The following ZDHHC1 variants were observed in gnomAD, a reference collection of about 807,000 sequenced individuals.
ZDHHC1 encodes zDHHC palmitoyltransferase 1.
ZDHHC1 carries 45 observed loss-of-function variants against 46.9 expected under a neutral mutation model. That is an observed-to-expected ratio of 0.96 (90% confidence interval 0.76 to 1.23). ZDHHC1 has a LOEUF of 1.23. ZDHHC1 is among the 50% of genes most tolerant of loss of function. The pLI, the probability that ZDHHC1 is intolerant of heterozygous loss-of-function variation, is 0.00. For missense variants in ZDHHC1, 649 were observed against 670.8 expected, an observed-to-expected ratio of 0.97 and a Z score of 0.36; for synonymous variants, 291 against 286.0, an observed-to-expected ratio of 1.02 and a Z score of -0.18.
intron 3 of ZDHHC1, among the ~76,000 whole-genome samples, chr16:67,403,261 G>A (rs1195923157): frequency 1.3e-5 from 2 of 152,228 alleles, no homozygotes; most frequent in African/African-American, 4.8e-5. Flanking sequence ...AAAGGAACCA[G>A]AAGTCTGGGT....
chr16:67,394,887 C>T lies in ZDHHC1; in HGVS notation c.1172G>A (p.Arg391Lys), dbSNP rs756233368. Residue 391 changes from arginine (R) to lysine (K), a missense_variant, in exon 12 of 12, where the codon AGG (arginine) becomes AAG (lysine). Physicochemically the swap from Arg to Lys is conservative, Grantham distance 26 (BLOSUM62 2). Coordinates refer to ENST00000565726, the MANE Select transcript of ZDHHC1 (RefSeq NM_001323627.2). ...SETSDPASGP[R>K]APSRRSSSST... is the part of the protein sequence containing the mutation. ...CGAGCTGGAGCGGCGGCTGGGGGCCCTAGGCCCTGCGCAAGGGAAGGGAAC... is the reference window on the plus strand; with the variant it reads ...CGAGCTGGAGCGGCGGCTGGGGGCCTTAGGCCCTGCGCAAGGGAAGGGAAC... 1 of 1,561,870 alleles carries T rather than the reference C, an allele frequency of 6.4e-7. No individual in the cohort carries two copies. The highest frequency in any genetic ancestry group is 8.6e-7 in the Non-Finnish European group (1 of 1,156,202).
At chr16:67,402,268 C>G (rs1031569218) in intron 3 of ZDHHC1, among the ~76,000 whole-genome samples, 1 of 152,202 alleles carries the variant, frequency 6.6e-6, no homozygotes, top group Non-Finnish European at 1.5e-5. Flanking sequence ...CACATGGTCT[C>G]AGAGTAAGTT....
intron 1 of ZDHHC1, 53 bp downstream of exon 1, chr16:67,416,118 C>G (rs920868997): frequency 6.6e-6 from 1 of 152,318 alleles, no homozygotes; most frequent in Non-Finnish European, 1.5e-5. Context: ...GCATCCGCTA[C>G]CCCGTGGCTC....
chr16:67,408,589 T>C (rs774322981), intron 1 of ZDHHC1, among the ~76,000 whole-genome samples: 2 of 152,130 alleles, frequency 1.3e-5, no homozygotes, highest in African/African-American at 2.4e-5. Flanking sequence ...TGGGCTCAAG[T>C]GATCCTCCTG....
chr16:67,394,538 C>A lies in ZDHHC1; in HGVS notation c.*72G>T. The A allele has an allele frequency of 9.0e-7, 1 of 1,116,132 alleles. No individual in the cohort carries two copies. 69.1% of individuals were successfully genotyped at this position (1,116,132 alleles called of 1,614,324 possible). A position where few individuals can be genotyped will look rare whatever the true frequency, so the allele number is the denominator to read the frequency against. On this transcript the variant is annotated 3_prime_UTR_variant, in exon 12 of 12. Coordinates refer to ENST00000565726, the MANE Select transcript of ZDHHC1 (RefSeq NM_001323627.2). Reference sequence around the variant, plus strand: ...AGGGGCCCCTAAAGTGCACTCGGTGCGGCAAGGATGGGGTGTTGCATAGAG... The same window carrying A: ...AGGGGCCCCTAAAGTGCACTCGGTGAGGCAAGGATGGGGTGTTGCATAGAG...
chr16:67,395,004 G>A lies in ZDHHC1; in HGVS notation c.1163C>T (p.Ser388Leu). 2.5e-6 allele frequency: 4 copies of A among 1,609,852 alleles called. No individual in the cohort carries two copies. The highest frequency in any genetic ancestry group is 2.2e-5 in the East Asian group (1 of 44,746). Reference protein sequence around the residue: ...VRTSETSDPASGPRAPSRRSS... With the variant: ...VRTSETSDPALGPRAPSRRSS... ...CCCGGACAGGGAGAGGCGCTCACCC[G>A]ACGCCGGATCCGAGGTCTCAGACGT... The change falls in exon 11 of 12, where the codon TCG (serine) becomes TTG (leucine). Residue 388 changes from serine to leucine, a missense_variant and splice_region_variant. Physicochemically the swap from Ser to Leu is moderately radical, Grantham distance 145. Transcript: ENST00000565726.
chr16:67,398,474 T>A, intron 7 of ZDHHC1, 99 bp downstream of exon 7: 1 of 1,519,440 alleles, frequency 6.6e-7, no homozygotes, highest in South Asian at 1.2e-5. Flanking sequence ...GAGCCCATAC[T>A]AGGCAGGGGC....
At chr16:67,400,070 C>T (rs1252507146) in intron 4 of ZDHHC1, among the ~76,000 whole-genome samples, 1 of 152,234 alleles carries the variant, frequency 6.6e-6, no homozygotes, top group African/African-American at 2.4e-5. Flanking sequence ...GGCACAACCC[C>T]TCCCCCAGAA....
intron 1 of ZDHHC1, among the ~76,000 whole-genome samples, chr16:67,412,808 T>C (rs1386663871): frequency 6.6e-6 from 1 of 152,042 alleles, no homozygotes; most frequent in African/African-American, 2.4e-5. Context: ...TCTTTCACTT[T>C]TTTTTTTTTA....
intron 3 of ZDHHC1, among the ~76,000 whole-genome samples, chr16:67,405,698 T>G (rs2040641323): frequency 6.6e-6 from 1 of 152,216 alleles, no homozygotes; most frequent in South Asian, 2.1e-4. Flanking sequence ...AAGGGTCTGA[T>G]GTACAGAATC....
At chr16:67,398,552 G>A (rs1228313513) in intron 7 of ZDHHC1, 21 bp downstream of exon 7, 2 of 1,582,080 alleles carry the variant, frequency 1.3e-6, no homozygotes, top group Non-Finnish European at 1.7e-6. Context: ...GTTCCAGAAG[G>A]CAGGTGCAGG....
chr16:67,404,527 G>C (rs1597543130), intron 3 of ZDHHC1: 1 of 358,026 alleles, frequency 2.8e-6, no homozygotes, highest in Non-Finnish European at 5.6e-6. Flanking sequence ...GAGCATATAG[G>C]CTGGTCAGGC....
At chr16:67,412,854 G>A (rs1567523841) in intron 1 of ZDHHC1, among the ~76,000 whole-genome samples, 1 of 151,982 alleles carries the variant, frequency 6.6e-6, no homozygotes, top group South Asian at 2.1e-4. Flanking sequence ...AGGCTGGAGT[G>A]CAGTGGTGCG....
At chr16:67,411,866 A>T (rs1287449254) in intron 1 of ZDHHC1, among the ~76,000 whole-genome samples, 14 of 152,206 alleles carry the variant, frequency 9.2e-5, no homozygotes, top group Admixed American at 9.2e-4. Flanking sequence ...TAATCCCCAC[A>T]CTTTGGGAGG....
chr16:67,407,626 TTA>T, intron 2 of ZDHHC1, 139 bp downstream of exon 2: 1 of 702,896 alleles, frequency 1.4e-6, no homozygotes, highest in East Asian at 2.5e-5. Flanking sequence ...GTTGGGCAAA[TTA>T]CTTTGCCATT....
At position 67,399,448 on chromosome 16, in the gene ZDHHC1, C is replaced by A; in HGVS notation, c.437G>T (p.Arg146Leu). ...GTTGCAGGCGCTGCAGTGCTTGGAG[C>A]GAGCGCTCCTGCAGGGAGAGGGGGC... ...CNLCNVDVSA[R>L]SKHCSACNKC... is the part of the protein sequence containing the mutation. Residue 146 changes from arginine to leucine, a missense_variant, in exon 5 of 12, where the codon CGC (arginine) becomes CTC (leucine). By Grantham distance (102) the Arg-to-Leu change is moderately radical (BLOSUM62 -2). Coordinates refer to ENST00000565726, the MANE Select transcript of ZDHHC1 (RefSeq NM_001323627.2). 6.2e-7 allele frequency: 1 copy of A among 1,611,708 alleles called. No homozygotes were observed. Among genetic ancestry groups the A allele is most frequent in the South Asian group, 1.1e-5 (1 of 90,996 alleles).
chr16:67,416,092 A>C (rs2040829971), intron 1 of ZDHHC1, 79 bp downstream of exon 1: 1 of 152,254 alleles, frequency 6.6e-6, no homozygotes, highest in Non-Finnish European at 1.5e-5. Context: ...GCGAGCCCAA[A>C]GCCGGCCAGG....
At chr16:67,407,144 C>T (rs543072577) in intron 2 of ZDHHC1, among the ~76,000 whole-genome samples, 162 of 152,324 alleles carry the variant, frequency 1.1e-3, no homozygotes, top group Admixed American at 2.0e-3. Flanking sequence ...GGTGGGCTAA[C>T]GCCCTTGGAC....
chr16:67,400,064 C>T (rs773457642), intron 4 of ZDHHC1, among the ~76,000 whole-genome samples: 2 of 152,232 alleles, frequency 1.3e-5, no homozygotes, highest in Non-Finnish European at 2.9e-5. Context: ...CCCAAAGGCA[C>T]AACCCCTCCC....
Sources: gnomAD v4.1 joint callset for allele counts (sites outside exome capture counted in the v4.1 genomes callset) on GRCh38, gnomAD v4.1.1 for gene constraint, MANE v1.5 for transcripts, NCBI Gene and HGNC (gene_info 2026-07-23, HGNC 2026-07-21) for gene names.